CYRIB: variants seen among roughly 807,000 people sequenced by gnomAD.
CYRIB encodes the protein CYFIP related Rac1 interactor B, also known as CYFIP-related Rac1 interactor B.
CYRIB carries 8 observed loss-of-function variants against 44.2 expected under a neutral mutation model. The observed-to-expected ratio is 0.18, with a 90% CI of 0.11 to 0.33. CYRIB has a LOEUF of 0.33. Ranked by LOEUF, CYRIB falls within the 10% of genes least tolerant of loss-of-function variation. The probability of loss-of-function intolerance (pLI) is 1.00; values close to 1 mark genes in which losing one functional copy is unlikely to be tolerated. For synonymous variants in CYRIB, 131 were observed against 127.2 expected, an observed-to-expected ratio of 1.03 and a Z score of -0.20; for missense variants, 185 against 382.8, an observed-to-expected ratio of 0.48 and a Z score of 4.31.
At chr8:129,959,284 T>C (rs1459011610) in intron 2 of CYRIB, among the ~76,000 whole-genome samples, 1 of 148,538 alleles carries the variant, frequency 6.7e-6, no homozygotes, top group East Asian at 2.0e-4. Context: ...ACCCCACTAC[T>C]TGCTTCCTAG....
At position 129,965,674 on chromosome 8, in the gene CYRIB, T is replaced by C. The variant is rs940699363; in HGVS notation, c.-243+5269A>G. 2.0e-5 allele frequency among the ~76,000 whole-genome samples: 3 copies of C among 151,712 alleles called. No homozygotes were observed. The East Asian group carries it at 6.0e-4, about 30-fold the overall frequency. On this transcript the variant is annotated intron_variant, in intron 2 of 14. Transcript: ENST00000401979. ...AACCGGGCGTGGTGGTGGGTGCCTG[T>C]AGTCCCAGCTACTTGGGAGGCTGAG...
At chr8:129,932,823 T>C (rs2091911423) in intron 1 of CYRIB, among the ~76,000 whole-genome samples, 1 of 152,164 alleles carries the variant, frequency 6.6e-6, no homozygotes, top group Non-Finnish European at 1.5e-5. Context: ...CCCTGGAATC[T>C]GAGAGTGATC....
chr8:129,893,663 C>T (rs911315810), intron 2 of CYRIB, among the ~76,000 whole-genome samples: 1 of 152,092 alleles, frequency 6.6e-6, no homozygotes, highest in Non-Finnish European at 1.5e-5. Flanking sequence ...ATCAACTTTC[C>T]TCCCCTCCTC....
chr8:129,842,082 C>T, exon 12 of CYRIB: 3 of 1,212,798 alleles, frequency 2.5e-6, no homozygotes, highest in Non-Finnish European at 2.4e-6. Context: ...TAAAAAACTG[C>T]ATTCTCAGTC....
At chr8:129,965,499 T>G (rs1410400504) in intron 2 of CYRIB, among the ~76,000 whole-genome samples, 1 of 152,132 alleles carries the variant, frequency 6.6e-6, no homozygotes, top group Admixed American at 6.5e-5. Flanking sequence ...CAATCCACTT[T>G]AAGAATATAC....
chr8:129,866,098 T>A (rs766562167), intron 4 of CYRIB, among the ~76,000 whole-genome samples: 2 of 152,184 alleles, frequency 1.3e-5, no homozygotes, highest in Non-Finnish European at 1.5e-5. Flanking sequence ...CAGTATAAGT[T>A]CCTGGTTTCC....
At chr8:129,884,106 C>T (rs2061800146) in intron 2 of CYRIB, among the ~76,000 whole-genome samples, 2 of 152,090 alleles carry the variant, frequency 1.3e-5, no homozygotes, top group Non-Finnish European at 2.9e-5. Flanking sequence ...CATTCATTCC[C>T]GAGTTCCAGC....
At chr8:129,883,971 G>C (rs2061746270) in intron 2 of CYRIB, among the ~76,000 whole-genome samples, 1 of 152,226 alleles carries the variant, frequency 6.6e-6, no homozygotes, top group African/African-American at 2.4e-5. Context: ...CTTATGGAAT[G>C]TGAGGCGTGG....
chr8:129,916,118 TA>T (rs1305550498), intron 1 of CYRIB, among the ~76,000 whole-genome samples: 2 of 152,174 alleles, frequency 1.3e-5, no homozygotes, highest in African/African-American at 2.4e-5. Flanking sequence ...GAGTCAGTAA[TA>T]AAATGCAAAT....
intron 2 of CYRIB, among the ~76,000 whole-genome samples, chr8:129,885,606 A>G (rs1300320702): frequency 6.6e-6 from 1 of 152,150 alleles, no homozygotes; most frequent in Non-Finnish European, 1.5e-5. Flanking sequence ...GCCTCTGCCC[A>G]CTAGATACCC....
At chr8:129,859,155 G>A (rs2047873436) in intron 5 of CYRIB, among the ~76,000 whole-genome samples, 1 of 152,190 alleles carries the variant, frequency 6.6e-6, no homozygotes, top group South Asian at 2.1e-4. Flanking sequence ...AGGCCACATG[G>A]GTCACATGTC....
chr8:129,990,497 C>CGT (rs34534615), intron 1 of CYRIB, among the ~76,000 whole-genome samples: 2,170 of 147,376 alleles, frequency 0.015, 30 homozygotes, highest in East Asian at 0.018. Context: ...TGTGTGTATG[C>CGT]GTGTGTGTGT....
intron 7 of CYRIB, among the ~76,000 whole-genome samples, chr8:129,853,285 T>G (rs1488476104): frequency 6.6e-6 from 1 of 152,200 alleles, no homozygotes; most frequent in Admixed American, 6.5e-5. Context: ...ATGGTAGGTA[T>G]GAAAAAGACA....
At chr8:129,880,453 G>A in intron 2 of CYRIB, 3 of 985,600 alleles carry the variant, frequency 3.0e-6, no homozygotes, top group Non-Finnish European at 3.6e-6. Context: ...ACCCATGCCA[G>A]CAAACCTAAA....
intron 1 of CYRIB, among the ~76,000 whole-genome samples, chr8:129,913,984 C>T (rs926802139): frequency 6.6e-6 from 1 of 152,014 alleles, no homozygotes; most frequent in African/African-American, 2.4e-5. Context: ...ATAGTTTTAT[C>T]CTTTTCTCCA....
chr8:129,878,832 A>T lies in CYRIB; in HGVS notation c.73+557T>A, dbSNP rs542252084. Among the ~76,000 whole-genome samples, 135 of 152,282 alleles carry T rather than the reference A, an allele frequency of 8.9e-4. No individual in the cohort carries two copies. The Middle Eastern group carries it at 0.01, about 12-fold the overall frequency. ...CTTTCATTTAGAGTCAGAAAAAATA[A>T]ATTCCTGAAATAAATACATTCTATT... is the stretch of plus-strand genomic sequence containing the variant. On this transcript the variant is annotated intron_variant, in intron 3 of 11. Transcript: ENST00000519824.
At chr8:129,939,390 T>C (rs1257084539) in intron 1 of CYRIB, among the ~76,000 whole-genome samples, 1 of 146,168 alleles carries the variant, frequency 6.8e-6, no homozygotes, top group Admixed American at 6.8e-5. Context: ...AAGACCCGAA[T>C]GAATGAGCGC....
At chr8:129,840,146 G>C (rs1176919912) in exon 12 of CYRIB, 1 of 169,426 alleles carries the variant, frequency 5.9e-6, no homozygotes, top group Non-Finnish European at 1.4e-5. Flanking sequence ...AAACTGCATG[G>C]CTTAAAACAA....
Position 130,009,269 on chromosome 8 carries a change from CT to C in CYRIB, c.-296+7100del, listed in dbSNP as rs113080038. On this transcript the variant is annotated intron_variant, in intron 1 of 14. Transcript: ENST00000401979. ...AGCCATCTGAGGAGTTCAAAAGCAT[CT>C]TTTTTTTTTTTTTTGAGACAGAGTT... Among the ~76,000 whole-genome samples the C allele has an allele frequency of 9.7e-3, 1,383 of 142,842 alleles. 6 individuals are homozygous for C. The highest frequency in any genetic ancestry group is 0.029 in the Middle Eastern group (8 of 280). The allele number at this position is 142,842 out of a possible 152,430, so 93.7% of individuals were successfully genotyped here.
Sources: gnomAD v4.1 joint callset for allele counts (sites outside exome capture counted in the v4.1 genomes callset) on GRCh38, gnomAD v4.1.1 for gene constraint, MANE v1.5 for transcripts, NCBI Gene and HGNC (gene_info 2026-07-23, HGNC 2026-07-21) for gene names.